RMDN1: variants seen among roughly 807,000 people sequenced by gnomAD.
The protein encoded by RMDN1 is regulator of microtubule dynamics protein 1.
A neutral mutation model predicts 48.9 loss-of-function variants in RMDN1; 48 were observed. That is an observed-to-expected ratio of 0.98 (90% CI 0.78 to 1.25). The LOEUF is 1.25. Ranked by LOEUF, RMDN1 falls within the 50% of genes most tolerant of loss-of-function variation. The probability of loss-of-function intolerance (pLI) is 0.00; values close to 1 mark genes in which losing one functional copy is unlikely to be tolerated. For synonymous variants in RMDN1, 148 were observed against 132.6 expected (o/e 1.12, Z -0.80); for missense variants, 418 against 373.4 (o/e 1.12, Z -0.98).
chr8:86,474,420 T>G, intron 9 of RMDN1, 62 bp from the exon 10 acceptor site: 1 of 1,388,066 alleles, frequency 7.2e-7, no homozygotes, highest in Non-Finnish European at 1.0e-6. Context: ...CTTGTGAAAT[T>G]TAAGTTTATA....
chr8:86,512,745 T>G (rs1820112259), upstream of RMDN1, among the ~76,000 whole-genome samples: 1 of 152,216 alleles, frequency 6.6e-6, no homozygotes, highest in African/African-American at 2.4e-5. Context: ...AATAAATGAA[T>G]GAATCCTCAC....
chr8:86,478,697 G>C (rs1012119634), intron 7 of RMDN1: 1 of 498,812 alleles, frequency 2.0e-6, no homozygotes, highest in Non-Finnish European at 3.6e-6. Context: ...AGCCATTTTA[G>C]ATGACAGTAT....
At chr8:86,482,584 G>T (rs1315474230) in intron 5 of RMDN1, 1 of 749,858 alleles carries the variant, frequency 1.3e-6, no homozygotes, top group East Asian at 2.5e-5. Context: ...GTTAATGAGT[G>T]AGTTTTTGTG....
At chr8:86,478,626 A>G (rs907182881) in intron 7 of RMDN1, 4 of 327,460 alleles carry the variant, frequency 1.2e-5, no homozygotes, top group African/African-American at 8.7e-5. Flanking sequence ...TTCTTGTTCT[A>G]TTTTATGACT....
chr8:86,478,950 T>C lies in RMDN1; in HGVS notation c.702A>G (p.Ala234=). 6.2e-7 allele frequency: 1 copy of C among 1,613,976 alleles called. No homozygotes were observed. The highest frequency in any genetic ancestry group is 2.2e-5 in the East Asian group (1 of 44,860). The change falls in exon 7 of 10, where the codon GCA becomes GCG. Residue 234 remains alanine, a synonymous_variant. Transcript: ENST00000406452. ...YQRRIAKMLF[A]TPPSSTYEKA... is the part of the protein sequence containing the mutation. ...TCTCATAGGTGGAACTAGGAGGAGT[T>C]GCAAACAGCATTTTAGCAATTCTTC...
rs766230690 is a variant in RMDN1, at chr8:86,473,931, C to G, written c.*377G>C. On this transcript the variant is annotated 3_prime_UTR_variant, in exon 10 of 10. Coordinates refer to ENST00000406452, the MANE Select transcript of RMDN1 (RefSeq NM_016033.3). ...TCTCTTCAAGATTTCAACTTAGAAT[C>G]AATCCAATTTGAAAATCCATCCCCC... 5.8e-4 allele frequency: 583 copies of G among 1,009,122 alleles called. No homozygotes were observed. The highest frequency in any genetic ancestry group is 6.7e-4 in the Non-Finnish European group (567 of 845,340). The allele number at this position is 1,009,122 out of a possible 1,614,324, so 62.5% of individuals were successfully genotyped here. A position where few individuals can be genotyped will look rare whatever the true frequency, so the allele number is the denominator to read the frequency against.
chr8:86,482,987 C>T (rs1342361013), intron 5 of RMDN1: 7 of 689,996 alleles, frequency 1.0e-5, no homozygotes, highest in South Asian at 1.6e-5. Flanking sequence ...CGCTGCCCCT[C>T]GATGAGCAGT....
At chr8:86,469,392 T>A (rs1275633937), downstream of RMDN1, among the ~76,000 whole-genome samples, 1 of 152,196 alleles carries the variant, frequency 6.6e-6, no homozygotes, top group Non-Finnish European at 1.5e-5. Flanking sequence ...AATCTCCAGA[T>A]ACACGACAGA....
chr8:86,497,386 A>G (rs939109989), intron 2 of RMDN1, among the ~76,000 whole-genome samples: 1 of 152,232 alleles, frequency 6.6e-6, no homozygotes, highest in African/African-American at 2.4e-5. Flanking sequence ...CAAAATTTAT[A>G]GACTGCCAGC....
chr8:86,493,075 T>C (rs1427800417), intron 2 of RMDN1, among the ~76,000 whole-genome samples: 2 of 152,060 alleles, frequency 1.3e-5, no homozygotes, highest in African/African-American at 4.8e-5. Context: ...GAAGTTATAT[T>C]TTTATAGAAA....
chr8:86,504,878 C>G (rs1819043354), intron 2 of RMDN1: 2 of 1,080,058 alleles, frequency 1.9e-6, no homozygotes, highest in Non-Finnish European at 1.4e-6. Context: ...TTTTTATTAT[C>G]TTCGCCAGCT....
chr8:86,492,379 G>A (rs768187157), intron 2 of RMDN1, among the ~76,000 whole-genome samples: 11 of 152,166 alleles, frequency 7.2e-5, no homozygotes, highest in African/African-American at 1.9e-4. Context: ...GAGGCCAGGC[G>A]TGGTGGCTCA....
At chr8:86,502,544 C>A (rs947271261) in intron 2 of RMDN1, among the ~76,000 whole-genome samples, 5 of 152,186 alleles carry the variant, frequency 3.3e-5, no homozygotes, top group African/African-American at 7.2e-5. Context: ...CCATGCCCAG[C>A]CAAGTTTTAA....
At chr8:86,468,735 T>G (rs1812301567), downstream of RMDN1, 1 of 456,122 alleles carries the variant, frequency 2.2e-6, no homozygotes, top group South Asian at 1.5e-5. Context: ...AGCTTTGTTT[T>G]GGAGAATTCA....
chr8:86,508,875 C>G (rs1819877054), upstream of RMDN1: 1 of 1,081,746 alleles, frequency 9.2e-7, no homozygotes, highest in Non-Finnish European at 1.2e-6. Context: ...CGTGAGAGCG[C>G]TCTCTTCAGG....
intron 2 of RMDN1, among the ~76,000 whole-genome samples, chr8:86,503,222 C>T (rs73273168): frequency 0.05 from 7,656 of 151,726 alleles, 308 homozygotes; most frequent in African/African-American, 0.099. Flanking sequence ...TATGGTGATA[C>T]GTGCCTATAA....
chr8:86,480,892 AAC>A (rs559132512), intron 5 of RMDN1, among the ~76,000 whole-genome samples: 37 of 152,080 alleles, frequency 2.4e-4, no homozygotes, highest in East Asian at 5.8e-4. Context: ...AGGAAAAATA[AAC>A]AGTTTATAGA....
upstream of RMDN1, among the ~76,000 whole-genome samples, chr8:86,510,230 T>C (rs1441352850): frequency 6.6e-6 from 1 of 152,210 alleles, no homozygotes; most frequent in African/African-American, 2.4e-5. Context: ...ATATCATGAC[T>C]CTTCAGTCTT....
At chr8:86,494,280 G>A (rs1437946608) in intron 2 of RMDN1, among the ~76,000 whole-genome samples, 1 of 152,212 alleles carries the variant, frequency 6.6e-6, no homozygotes, top group East Asian at 1.9e-4. Context: ...TTGAGGCCGG[G>A]TGCAGTGGCT....
Sources: allele counts gnomAD v4.1 joint callset (sites outside exome capture counted in the v4.1 genomes callset), GRCh38; gene constraint gnomAD v4.1.1; transcripts MANE v1.5; gene names NCBI Gene and HGNC (gene_info 2026-07-23, HGNC 2026-07-21).